Variants in LARP1B observed in about 807,000 individuals in gnomAD.
LARP1B encodes La ribonucleoprotein 1B.
Under a neutral mutation model 114.2 loss-of-function variants are expected in LARP1B, and 76 were observed. The observed-to-expected ratio is 0.67, with a 90% CI of 0.55 to 0.81. LARP1B has a LOEUF of 0.81. Among genes scored for constraint, LARP1B ranks in the 30% least tolerant of loss-of-function variants. The pLI is 0.00. For missense variants in LARP1B, 1,014 were observed against 1,075.8 expected, an observed-to-expected ratio of 0.94 and a Z score of 0.80; for synonymous variants, 345 against 348.0, an observed-to-expected ratio of 0.99 and a Z score of 0.10.
At chr4:128,127,281 A>C (rs879558549) in intron 11 of LARP1B, among the ~76,000 whole-genome samples, 1 of 152,224 alleles carries the variant, frequency 6.6e-6, no homozygotes, top group Non-Finnish European at 1.5e-5. Context: ...TAATAAATAC[A>C]TGAATAAACC....
In LARP1B at chr4:128,185,531, A is replaced by T. The variant is rs528337119; in HGVS notation, c.2003+6019A>T. ...TCAGTTTTAAAATGGGATTATTTGTATTGTTTTTTTTTTTCTACTGAGTTG... is the reference window on the plus strand; with the variant it reads ...TCAGTTTTAAAATGGGATTATTTGTTTTGTTTTTTTTTTTCTACTGAGTTG... On this transcript the variant is annotated intron_variant, in intron 15 of 19. Transcript: ENST00000326639. Among the ~76,000 whole-genome samples, 17 of 97,536 alleles carry T rather than the reference A, an allele frequency of 1.7e-4. No homozygotes were observed. The South Asian group carries it at 7.3e-3, about 42-fold the overall frequency. 64.0% of individuals were successfully genotyped at this position (97,536 alleles called of 152,430 possible). A position where few individuals can be genotyped will look rare whatever the true frequency, so the allele number is the denominator to read the frequency against.
At chr4:128,126,426 TA>T (rs1789642218) in intron 11 of LARP1B, among the ~76,000 whole-genome samples, 3 of 152,114 alleles carry the variant, frequency 2.0e-5, no homozygotes, top group Admixed American at 6.6e-5. Flanking sequence ...CCTGGCCCCT[TA>T]AAATAATTTA....
Position 128,073,418 on chromosome 4 carries a change from CAAAAAAAAAAAA to C in LARP1B, c.-77-1024_-77-1013del, listed in dbSNP as rs776553862. On this transcript the variant is annotated intron_variant, in intron 1 of 19. Coordinates refer to ENST00000326639, the MANE Select transcript of LARP1B (RefSeq NM_018078.4). ...GCGACAGAGTGAGAAGATTCCGTCT[CAAAAAAAAAAAA>C]AAAAAAAAAAAAAAAAAGAAAGAAA... is the stretch of plus-strand genomic sequence containing the variant. Among the ~76,000 whole-genome samples the C allele has an allele frequency of 2.1e-4, 9 of 42,910 alleles. No individual in the cohort carries two copies. The South Asian group carries it at 0.012, about 55-fold the overall frequency. 28.2% of individuals were successfully genotyped at this position (42,910 alleles called of 152,430 possible). A position where few individuals can be genotyped will look rare whatever the true frequency, so the allele number is the denominator to read the frequency against.
intron 7 of LARP1B, chr4:128,222,234 C>A: frequency 4.6e-6 from 2 of 436,956 alleles, no homozygotes; most frequent in Admixed American, 2.4e-5. Flanking sequence ...CTGACCTTGA[C>A]CAAGTGACAA....
intron 7 of LARP1B, among the ~76,000 whole-genome samples, chr4:128,095,346 G>A (rs554656927): frequency 3.5e-4 from 53 of 151,892 alleles, no homozygotes; most frequent in African/African-American, 9.4e-4. Flanking sequence ...AAAATTAGCC[G>A]GGCATGGTGG....
chr4:128,114,510 T>C, intron 9 of LARP1B, 60 bp from the exon 10 acceptor site: 1 of 1,257,216 alleles, frequency 8.0e-7, no homozygotes, highest in Non-Finnish European at 1.1e-6. Context: ...AAATGAAGTG[T>C]ATTTTGTAAG....
At position 128,084,605 on chromosome 4, in the gene LARP1B, G is replaced by GGAGACC. The variant is rs1002700684; in HGVS notation, c.358+2305_358+2310dup. On this transcript the variant is annotated intron_variant, in intron 5 of 19. Coordinates refer to ENST00000326639, the MANE Select transcript of LARP1B (RefSeq NM_018078.4). ...GTCCAGCTTCGGCTCGGCATCAGAG[G>GGAGACC]GAGACCGAGAGGGAGAGGGGAGAGG... Among the ~76,000 whole-genome samples the GGAGACC allele has an allele frequency of 1.3e-4, 20 of 152,174 alleles. No individual in the cohort carries two copies. The East Asian group carries it at 3.5e-3, about 27-fold the overall frequency.
At position 128,063,130 on chromosome 4, in the gene LARP1B, TAAG is replaced by T. The variant is rs576629966; in HGVS notation, c.-78+1732_-78+1734del. 5.4e-3 allele frequency among the ~76,000 whole-genome samples: 829 copies of T among 152,188 alleles called. 2 individuals carry two copies. The highest frequency in any genetic ancestry group is 0.02 in the Middle Eastern group (6 of 294). On this transcript the variant is annotated intron_variant, in intron 1 of 19. Transcript: ENST00000326639. The stretch of plus-strand genomic sequence containing the variant: ...TATTTTGATTGTAGTAACTGCAACT[TAAG>T]AAAGTAAAAATGGGCCGGCGCGGTG...
At chr4:128,148,782 A>G (rs974631371) in intron 11 of LARP1B, among the ~76,000 whole-genome samples, 1 of 152,050 alleles carries the variant, frequency 6.6e-6, no homozygotes, top group Non-Finnish European at 1.5e-5. Flanking sequence ...GCTCACCACA[A>G]TGCCTGGCTA....
At chr4:128,083,142 T>G (rs372176994) in intron 5 of LARP1B, among the ~76,000 whole-genome samples, 1 of 152,208 alleles carries the variant, frequency 6.6e-6, no homozygotes, top group South Asian at 2.1e-4. Flanking sequence ...GGTAAGGTCA[T>G]AGATCAACAG....
chr4:128,165,303 TATA>T (rs1334161133), intron 12 of LARP1B, among the ~76,000 whole-genome samples: 1 of 151,590 alleles, frequency 6.6e-6, no homozygotes, highest in Non-Finnish European at 1.5e-5. Flanking sequence ...ATTTGTGTGC[TATA>T]ATGTCTAGTT....
At chr4:128,061,931 G>A in intron 1 of LARP1B, 1 of 985,220 alleles carries the variant, frequency 1.0e-6, no homozygotes, top group Non-Finnish European at 1.2e-6. Context: ...CCAGGCGGCT[G>A]TCCCCGTGAG....
At chr4:128,108,673 G>A in intron 9 of LARP1B, 6 of 983,822 alleles carry the variant, frequency 6.1e-6, no homozygotes, top group Non-Finnish European at 6.0e-6. Context: ...TTTATTTTTT[G>A]TTAAGATATA....
chr4:128,212,321 G>T (rs1323656115), downstream of LARP1B, among the ~76,000 whole-genome samples: 1 of 152,098 alleles, frequency 6.6e-6, no homozygotes, highest in Non-Finnish European at 1.5e-5. Flanking sequence ...GTTGAACTTT[G>T]GCTGTGGCTA....
chr4:128,142,841 A>G (rs1040285787), intron 11 of LARP1B, among the ~76,000 whole-genome samples: 1 of 151,914 alleles, frequency 6.6e-6, no homozygotes, highest in African/African-American at 2.4e-5. Flanking sequence ...AAATTCTTTT[A>G]CACTCTTCCT....
chr4:128,134,210 T>C (rs968374645), intron 11 of LARP1B, among the ~76,000 whole-genome samples: 1 of 152,026 alleles, frequency 6.6e-6, no homozygotes, highest in Non-Finnish European at 1.5e-5. Flanking sequence ...GGTCTTGTTA[T>C]ACCTGGTTTC....
Position 128,210,563 on chromosome 4 carries a change from T to TC in LARP1B, c.*511dup, listed in dbSNP as rs1426755937. On this transcript the variant is annotated 3_prime_UTR_variant, in exon 20 of 20. Transcript: ENST00000326639. ...AGGATTACGTATATGTTTTTTAAAT[T>TC]CAAAAAAGAATATGAAATTATACCT... is the stretch of plus-strand genomic sequence containing the variant. The TC allele has an allele frequency of 2.1e-6, 2 of 953,096 alleles. No individual in the cohort carries two copies. The highest frequency in any genetic ancestry group is 3.5e-5 in the African/African-American group (2 of 56,458). 59.0% of individuals were successfully genotyped at this position (953,096 alleles called of 1,614,324 possible).
intron 1 of LARP1B, chr4:128,061,703 C>G: frequency 2.0e-6 from 2 of 984,880 alleles, no homozygotes; most frequent in Non-Finnish European, 2.4e-6. Context: ...GATGTCTACT[C>G]GCGCCCCGAT....
chr4:128,125,063 A>G (rs1789126742), intron 11 of LARP1B, among the ~76,000 whole-genome samples: 1 of 152,220 alleles, frequency 6.6e-6, no homozygotes, highest in Non-Finnish European at 1.5e-5. Context: ...GAAGACTACT[A>G]AAATGATAGG....
Sources: allele counts gnomAD v4.1 joint callset (sites outside exome capture counted in the v4.1 genomes callset), GRCh38; gene constraint gnomAD v4.1.1; transcripts MANE v1.5; gene names NCBI Gene and HGNC (gene_info 2026-07-23, HGNC 2026-07-21).